ALK: variants seen among roughly 807,000 people sequenced by gnomAD.
ALK encodes ALK receptor tyrosine kinase, also known as ALK tyrosine kinase receptor.
Under a neutral mutation model 163.1 loss-of-function variants are expected in ALK, and 74 were observed. That is an observed-to-expected ratio of 0.45 (90% CI 0.38 to 0.55). The LOEUF is 0.55. Among genes scored for constraint, ALK ranks in the 20% least tolerant of loss-of-function variants. ALK has a pLI of 0.00. For synonymous variants in ALK, 960 were observed against 843.2 expected (o/e 1.14, Z -2.40); for missense variants, 2,063 against 2,105.3 (o/e 0.98, Z 0.39).
intron 4 of ALK, among the ~76,000 whole-genome samples, chr2:29,527,418 C>T (rs527588771): frequency 3.9e-5 from 6 of 152,236 alleles, no homozygotes; most frequent in African/African-American, 1.2e-4. Flanking sequence ...TTGAGGGTTT[C>T]CTGATGCAGC....
rs534201503 is a variant in ALK, at chr2:29,193,216, G to A, written c.*8C>T. Reference sequence around the variant, plus strand: ...TCCCAAGGAAGAGAAGTGAGTGTGCGACCGAGCTCAGGGCCCAGGCTGGTT... The same window carrying A: ...TCCCAAGGAAGAGAAGTGAGTGTGCAACCGAGCTCAGGGCCCAGGCTGGTT... On this transcript the variant is annotated 3_prime_UTR_variant, in exon 29 of 29. Transcript: ENST00000389048. The A allele has an allele frequency of 5.5e-5, 88 of 1,613,454 alleles. No homozygotes were observed. The highest frequency in any genetic ancestry group is 7.3e-5 in the Non-Finnish European group (86 of 1,179,834).
At chr2:29,365,189 C>T (rs1255822263) in intron 5 of ALK, among the ~76,000 whole-genome samples, 1 of 152,218 alleles carries the variant, frequency 6.6e-6, no homozygotes, top group African/African-American at 2.4e-5. Flanking sequence ...TTGCTAGACT[C>T]TGCCCAAAAC....
chr2:29,257,941 C>T (rs771110764), intron 11 of ALK, among the ~76,000 whole-genome samples: 1 of 152,172 alleles, frequency 6.6e-6, no homozygotes, highest in African/African-American at 2.4e-5. Context: ...TGGGCTCAAG[C>T]GATCCTACCA....
At chr2:29,465,158 A>G (rs2148106149) in intron 4 of ALK, among the ~76,000 whole-genome samples, 1 of 152,324 alleles carries the variant, frequency 6.6e-6, no homozygotes, top group East Asian at 1.9e-4. Flanking sequence ...GAGTGATAAG[A>G]AGAAAATCTT....
rs544224030 is a variant in ALK, at chr2:29,637,352, G to A, written c.952+57498C>T. The stretch of plus-strand genomic sequence containing the variant: ...AAGTTCAACAGGTTTTATGCCTTAC[G>A]ACTCCATTTGTATAGCATGTTTAAA... On this transcript the variant is annotated intron_variant, in intron 3 of 28. Transcript: ENST00000389048. Among the ~76,000 whole-genome samples the A allele has an allele frequency of 3.3e-5, 5 of 152,238 alleles. No homozygotes were observed. In the East Asian group the frequency reaches 5.8e-4, roughly 18 times the overall value.
At chr2:29,255,938 A>T (rs1288098449) in intron 11 of ALK, among the ~76,000 whole-genome samples, 1 of 152,126 alleles carries the variant, frequency 6.6e-6, no homozygotes, top group African/African-American at 2.4e-5. Flanking sequence ...ATCCTTGCCC[A>T]AGGGGTAGGC....
chr2:29,196,020 C>G (rs529985314), intron 28 of ALK, among the ~76,000 whole-genome samples: 1 of 152,094 alleles, frequency 6.6e-6, no homozygotes, highest in African/African-American at 2.4e-5. Flanking sequence ...ATGATGATCT[C>G]CACCCTCTTG....
intron 5 of ALK, among the ~76,000 whole-genome samples, chr2:29,379,137 T>C (rs553639511): frequency 7.7e-4 from 117 of 152,238 alleles, no homozygotes; most frequent in African/African-American, 2.7e-3. Context: ...TTGCTCTGGG[T>C]TGTCTGCTCA....
At chr2:29,446,098 CAAAAAAAAAAAA>C (rs60360983) in intron 4 of ALK, among the ~76,000 whole-genome samples, 4 of 17,214 alleles carry the variant, frequency 2.3e-4, no homozygotes, top group African/African-American at 3.6e-4. Flanking sequence ...GACTCCGTCT[CAAAAAAAAAAAA>C]AAAAAAAAAA....
intron 1 of ALK, among the ~76,000 whole-genome samples, chr2:29,782,325 G>A (rs1203371043): frequency 1.3e-5 from 2 of 152,098 alleles, no homozygotes; most frequent in African/African-American, 4.8e-5. Flanking sequence ...CTGGAGCCAG[G>A]CATGAGTTTC....
intron 3 of ALK, among the ~76,000 whole-genome samples, chr2:29,685,786 G>A (rs530449370): frequency 6.6e-6 from 1 of 152,352 alleles, no homozygotes; most frequent in African/African-American, 2.4e-5. Flanking sequence ...CTGCAGGTAA[G>A]AAGTCTAAAA....
intron 5 of ALK, among the ~76,000 whole-genome samples, chr2:29,350,899 G>A (rs1668093003): frequency 6.6e-6 from 1 of 152,146 alleles, no homozygotes; most frequent in South Asian, 2.1e-4. Flanking sequence ...CTCCCAAACT[G>A]TTTTCTGCAA....
chr2:29,239,657 A>G (rs1664470516), intron 13 of ALK, 23 bp downstream of exon 13: 3 of 1,613,132 alleles, frequency 1.9e-6, no homozygotes, highest in Non-Finnish European at 2.5e-6. Context: ...TGCAGACGAG[A>G]AACCCCTGCT....
intron 1 of ALK, among the ~76,000 whole-genome samples, chr2:29,916,004 C>T (rs572073652): frequency 2.0e-5 from 3 of 152,362 alleles, no homozygotes; most frequent in South Asian, 2.1e-4. Flanking sequence ...TCTAAAAACA[C>T]CAATGCCCAA....
rs72852051 is a variant in ALK, at chr2:29,243,208, G to A, written c.2205-3378C>T. On this transcript the variant is annotated intron_variant, in intron 12 of 28. Transcript: ENST00000389048. ...CCCGGCGAGGTGCCTCCCTCCCAGG[G>A]AGGACCTTGCACTCGACTGACCCCA... Among the ~76,000 whole-genome samples, 478 of 152,306 alleles carry A rather than the reference G, an allele frequency of 3.1e-3. 2 individuals are homozygous for A. The highest frequency in any genetic ancestry group is 0.01 in the African/African-American group (420 of 41,554).
intron 4 of ALK, among the ~76,000 whole-genome samples, chr2:29,498,079 G>A (rs1056630709): frequency 6.6e-6 from 1 of 152,120 alleles, no homozygotes; most frequent in Non-Finnish European, 1.5e-5. Context: ...ATGCATTTCA[G>A]TAAGTGCACA....
chr2:29,822,293 C>T (rs1035585155), intron 1 of ALK, among the ~76,000 whole-genome samples: 6 of 152,184 alleles, frequency 3.9e-5, no homozygotes, highest in East Asian at 1.9e-4. Flanking sequence ...CATTACCTAG[C>T]ACCTGCTGGC....
chr2:29,693,139 A>G (rs903163140), intron 3 of ALK, among the ~76,000 whole-genome samples: 1 of 152,088 alleles, frequency 6.6e-6, no homozygotes, highest in African/African-American at 2.4e-5. Flanking sequence ...GATACAGGAA[A>G]CTCCAAAAAG....
At chr2:29,854,173 C>T (rs1442774769) in intron 1 of ALK, among the ~76,000 whole-genome samples, 1 of 150,642 alleles carries the variant, frequency 6.6e-6, no homozygotes. Flanking sequence ...GAGGCCTTCG[C>T]TATCACACTA....
Sources: allele counts gnomAD v4.1 joint callset (sites outside exome capture counted in the v4.1 genomes callset), GRCh38; gene constraint gnomAD v4.1.1; transcripts MANE v1.5; gene names NCBI Gene and HGNC (gene_info 2026-07-23, HGNC 2026-07-21).